Variants in SPTBN4 observed in about 807,000 individuals in gnomAD.
SPTBN4 encodes spectrin beta chain, non-erythrocytic 4.
In SPTBN4, 96 loss-of-function variants were observed where a neutral mutation model predicts 277.8. The ratio of observed to expected loss-of-function variants is 0.35; its 90% confidence interval spans 0.29 to 0.41. The LOEUF (loss-of-function observed/expected upper bound fraction) is 0.41. Ranked by LOEUF, SPTBN4 falls within the 10% of genes least tolerant of loss-of-function variation. The probability of loss-of-function intolerance (pLI) is 1.00; values close to 1 mark genes in which losing one functional copy is unlikely to be tolerated. For missense variants in SPTBN4, 3,006 were observed against 3,595.7 expected (o/e 0.84, Z 4.19); for synonymous variants, 1,481 against 1,580.3 (o/e 0.94, Z 1.49).
At chr19:40,546,330 A>G (rs1297156736) in intron 20 of SPTBN4, among the ~76,000 whole-genome samples, 3 of 151,978 alleles carry the variant, frequency 2.0e-5, no homozygotes, top group African/African-American at 7.2e-5. Flanking sequence ...ATCTTTTCAT[A>G]TGCTTGTTTT....
chr19:40,560,620 C>T lies in SPTBN4; in HGVS notation c.5915+217C>T, dbSNP rs944210699. 3.6e-5 allele frequency: 52 copies of T among 1,437,734 alleles called. No homozygotes were observed. The highest frequency in any genetic ancestry group is 1.9e-4 in the Middle Eastern group (1 of 5,210). 89.1% of individuals were successfully genotyped at this position (1,437,734 alleles called of 1,614,324 possible). On this transcript the variant is annotated intron_variant, in intron 27 of 35. Coordinates refer to ENST00000598249, the MANE Select transcript of SPTBN4 (RefSeq NM_020971.3). The surrounding 1 kb of genome is among the most constrained non-coding windows in gnomAD (Gnocchi z 5.2). ...TTCGGTCATGGGGCATCCTTCTGTC[C>T]GCTGTCCTTCCCAGTTGCCTATTAT... is the stretch of plus-strand genomic sequence containing the variant.
chr19:40,549,310 G>A lies in SPTBN4; in HGVS notation c.4481G>A (p.Gly1494Asp). Residue 1494 changes from glycine (G) to aspartate (D), a missense_variant, in exon 21 of 36, where the codon GGC (glycine) becomes GAC (aspartate). Physicochemically the swap from Gly to Asp is moderately conservative, Grantham distance 94. Transcript: ENST00000598249. ...GTGGGTGAGCGGCAGAACGCGGTGGGCGAGCGCCTGGTGCGCCTGCTCGAG... is the reference window on the plus strand; with the variant it reads ...GTGGGTGAGCGGCAGAACGCGGTGGACGAGCGCCTGGTGCGCCTGCTCGAG... Reference protein sequence around the residue: ...ELVGERQNAVGERLVRLLEPL... With the variant: ...ELVGERQNAVDERLVRLLEPL... 6.5e-7 allele frequency: 1 copy of A among 1,540,530 alleles called. No individual in the cohort carries two copies. The highest frequency in any genetic ancestry group is 8.7e-7 in the Non-Finnish European group (1 of 1,145,864).
At chr19:40,571,308 T>G (rs1335462075) in intron 33 of SPTBN4, among the ~76,000 whole-genome samples, 1 of 151,954 alleles carries the variant, frequency 6.6e-6, no homozygotes, top group Non-Finnish European at 1.5e-5. Context: ...GGGTAGGGGT[T>G]GGGAAGGGGG....
intron 13 of SPTBN4, among the ~76,000 whole-genome samples, chr19:40,509,294 A>G (rs73561760): frequency 0.3 from 45,187 of 151,792 alleles, 7,011 homozygotes; most frequent in African/African-American, 0.38. Context: ...TGTCCAGGCC[A>G]GATTGCAATG....
intron 5 of SPTBN4, 58 bp downstream of exon 5, chr19:40,493,112 A>C (rs1046224371): frequency 9.8e-6 from 15 of 1,536,658 alleles, no homozygotes; most frequent in African/African-American, 1.4e-5. Context: ...TAACCTCTGC[A>C]ATTCCTTCCC....
intron 1 of SPTBN4, among the ~76,000 whole-genome samples, chr19:40,469,643 C>CT (rs919689013): frequency 7.2e-4 from 109 of 150,644 alleles, no homozygotes; most frequent in African/African-American, 2.4e-3. Context: ...AATTTCTTCT[C>CT]TTTTTTTTTG....
Position 40,554,300 on chromosome 19 carries a change from G to C in SPTBN4, c.4828G>C (p.Ala1610Pro), listed in dbSNP as rs1463641495. The C allele has an allele frequency of 6.5e-7, 1 of 1,541,146 alleles. No homozygotes were observed. The highest frequency in any genetic ancestry group is 8.7e-7 in the Non-Finnish European group (1 of 1,149,626). ...CGCCTGGGCCGGACTGCGGGAGGCTGCCGAGCGACGGCAGCAGGTGCTGGA... is the reference window on the plus strand; with the variant it reads ...CGCCTGGGCCGGACTGCGGGAGGCTCCCGAGCGACGGCAGCAGGTGCTGGA... ...QSAWAGLREA[A>P]ERRQQVLDAA... The change falls in exon 23 of 36, where the codon GCC becomes CCC. Residue 1610 changes from alanine (A) to proline (P), a missense_variant. Coordinates refer to ENST00000598249, the MANE Select transcript of SPTBN4 (RefSeq NM_020971.3). This position sits in a 1 kb window ranked among gnomAD's most constrained non-coding sequence, Gnocchi z 5.7.
chr19:40,521,971 T>A (rs556524012), intron 16 of SPTBN4, among the ~76,000 whole-genome samples: 2 of 152,016 alleles, frequency 1.3e-5, no homozygotes, highest in East Asian at 3.9e-4. Flanking sequence ...TTTTACTAGT[T>A]AGAAAACTAA....
At chr19:40,540,347 TG>T (rs1490890664) in intron 20 of SPTBN4, among the ~76,000 whole-genome samples, 7 of 152,130 alleles carry the variant, frequency 4.6e-5, no homozygotes, top group African/African-American at 1.7e-4. Flanking sequence ...TTACTTCATT[TG>T]TTTTTGTTCA....
chr19:40,559,022 C>T (rs1223299939), intron 26 of SPTBN4, among the ~76,000 whole-genome samples: 1 of 151,470 alleles, frequency 6.6e-6, no homozygotes, highest in Non-Finnish European at 1.5e-5. Context: ...ACCTCTGCTT[C>T]CCGGGTTCAA....
intron 31 of SPTBN4, among the ~76,000 whole-genome samples, chr19:40,568,875 T>G (rs146591287): frequency 6.6e-6 from 1 of 152,206 alleles, no homozygotes; most frequent in South Asian, 2.1e-4. Flanking sequence ...AGACAATGAC[T>G]TCTTGATTCT....
intron 1 of SPTBN4, among the ~76,000 whole-genome samples, chr19:40,471,433 A>G (rs895419383): frequency 2.6e-5 from 4 of 152,234 alleles, no homozygotes; most frequent in Non-Finnish European, 5.9e-5. Context: ...CAAGTGTTCA[A>G]TATGTTCATT....
intron 3 of SPTBN4, among the ~76,000 whole-genome samples, chr19:40,489,240 A>G (rs961884093): frequency 1.6e-5 from 2 of 125,864 alleles, no homozygotes; most frequent in Non-Finnish European, 3.2e-5. Context: ...AAGAAAGAAA[A>G]AAAAGAATAG....
intron 13 of SPTBN4, among the ~76,000 whole-genome samples, chr19:40,509,534 T>C (rs1347001741): frequency 2.0e-5 from 3 of 152,162 alleles, no homozygotes; most frequent in African/African-American, 7.2e-5. Flanking sequence ...TGTGAGGCAC[T>C]GCGCTTGGCC....
chr19:40,491,355 T>A, intron 4 of SPTBN4, among the ~76,000 whole-genome samples: 1 of 152,150 alleles, frequency 6.6e-6, no homozygotes, highest in East Asian at 1.9e-4. Context: ...AGGGGCTAGG[T>A]GATCTGTGAT....
At position 40,504,147 on chromosome 19, in the gene SPTBN4, G is replaced by GGCCCCCCC; in HGVS notation, c.1665+15_1665+16insGCCCCCCC. On this transcript the variant is annotated intron_variant, in intron 12 of 35. Coordinates refer to ENST00000598249, the MANE Select transcript of SPTBN4 (RefSeq NM_020971.3). Reference sequence around the variant, plus strand: ...AGGAGATGCAGGTGCCGGCGGGGGGGCGGGGATGCGGGTGGAGTGCCAGGA... The same window carrying GGCCCCCCC: ...AGGAGATGCAGGTGCCGGCGGGGGGGGCCCCCCCCGGGGATGCGGGTGGAGTGCCAGGA... 1 of 1,047,670 alleles carries GGCCCCCCC rather than the reference G, an allele frequency of 9.5e-7. No homozygotes were observed. Among genetic ancestry groups the GGCCCCCCC allele is most frequent in the Non-Finnish European group, 1.4e-6 (1 of 706,052 alleles). 64.9% of individuals were successfully genotyped at this position (1,047,670 alleles called of 1,614,324 possible). A position where few individuals can be genotyped will look rare whatever the true frequency, so the allele number is the denominator to read the frequency against.
intron 20 of SPTBN4, among the ~76,000 whole-genome samples, chr19:40,538,838 C>T (rs370258917): frequency 2.0e-5 from 3 of 152,302 alleles, no homozygotes; most frequent in East Asian, 1.9e-4. Flanking sequence ...GATCCTCCTA[C>T]GTTAGTCTCC....
intron 7 of SPTBN4, among the ~76,000 whole-genome samples, chr19:40,498,743 C>T (rs1354488329): frequency 6.6e-6 from 1 of 151,772 alleles, no homozygotes; most frequent in African/African-American, 2.4e-5. Context: ...GCTCTGTTGC[C>T]CAGGCTGGAG....
chr19:40,488,202 A>C (rs995542916), intron 3 of SPTBN4, among the ~76,000 whole-genome samples: 1 of 151,370 alleles, frequency 6.6e-6, no homozygotes, highest in African/African-American at 2.4e-5. Context: ...GTTATGAGCT[A>C]GTAGGGGCAT....
Sources: gnomAD v4.1 joint callset for allele counts (sites outside exome capture counted in the v4.1 genomes callset) on GRCh38, gnomAD v4.1.1 for gene constraint, Gnocchi (gnomAD v3.1) non-coding constraint, MANE v1.5 for transcripts, NCBI Gene and HGNC (gene_info 2026-07-23, HGNC 2026-07-21) for gene names.